SENP7: variants seen among roughly 807,000 people sequenced by gnomAD.
SENP7 encodes the protein SUMO specific peptidase 7.
Under a neutral mutation model 141.2 loss-of-function variants are expected in SENP7, and 64 were observed. The observed-to-expected ratio is 0.45, with a 90% CI of 0.37 to 0.56. The LOEUF (loss-of-function observed/expected upper bound fraction) is 0.56, where lower values mean the gene tolerates loss of function less well. Among genes scored for constraint, SENP7 ranks in the 20% least tolerant of loss-of-function variants. SENP7 has a pLI of 0.00. For synonymous variants in SENP7, 382 were observed against 426.4 expected (o/e 0.90, Z 1.28); for missense variants, 1,025 against 1,212.2 (o/e 0.85, Z 2.29).
intron 6 of SENP7, among the ~76,000 whole-genome samples, chr3:101,397,310 T>G (rs573524810): frequency 6.6e-6 from 1 of 152,174 alleles, no homozygotes; most frequent in African/African-American, 2.4e-5. Context: ...TTTTTTCATT[T>G]TTAGCAGAAA....
intron 1 of SENP7, among the ~76,000 whole-genome samples, chr3:101,512,028 G>A (rs2065881173): frequency 6.6e-6 from 1 of 152,098 alleles, no homozygotes; most frequent in Admixed American, 6.6e-5. Flanking sequence ...CACAATGTTA[G>A]CCAGGATGGT....
chr3:101,462,489 C>T (rs566121186), intron 3 of SENP7, among the ~76,000 whole-genome samples: 3 of 150,184 alleles, frequency 2.0e-5, no homozygotes, highest in Admixed American at 1.3e-4. Context: ...TGGGGTGAGC[C>T]GAGATCGCGC....
intron 13 of SENP7, among the ~76,000 whole-genome samples, chr3:101,346,899 T>C (rs913578677): frequency 1.5e-5 from 2 of 136,946 alleles, no homozygotes; most frequent in African/African-American, 5.5e-5. Context: ...CAAAAACCCA[T>C]GGAAATAAAA....
At chr3:101,330,213 C>A in intron 20 of SENP7, 121 bp downstream of exon 20, 1 of 594,184 alleles carries the variant, frequency 1.7e-6, no homozygotes, top group Admixed American at 3.3e-5. Flanking sequence ...GTCAAAGAAT[C>A]ACAAAGCAGC....
intron 3 of SENP7, among the ~76,000 whole-genome samples, chr3:101,479,890 T>A (rs1576478928): frequency 4.1e-3 from 15 of 3,682 alleles, no homozygotes; most frequent in African/African-American, 5.9e-3. Context: ...TTACAACAGC[T>A]ACAAAAAAAA....
intron 6 of SENP7, among the ~76,000 whole-genome samples, chr3:101,396,897 G>A (rs1278779180): frequency 3.3e-5 from 5 of 152,204 alleles, no homozygotes; most frequent in Non-Finnish European, 2.9e-5. Flanking sequence ...AGGCTGGAGT[G>A]CAATGGTGCG....
At chr3:101,463,853 T>G (rs1233042070) in intron 3 of SENP7, among the ~76,000 whole-genome samples, 1 of 152,096 alleles carries the variant, frequency 6.6e-6, no homozygotes, top group East Asian at 1.9e-4. Context: ...AGATGGAGTT[T>G]TACTCTTGTT....
intron 12 of SENP7, among the ~76,000 whole-genome samples, chr3:101,349,569 G>A (rs1029799712): frequency 3.3e-5 from 5 of 152,004 alleles, no homozygotes; most frequent in African/African-American, 1.2e-4. Context: ...AGCATTAGGA[G>A]ATATACCTAA....
At chr3:101,507,143 G>A (rs1432568515) in intron 1 of SENP7, among the ~76,000 whole-genome samples, 14 of 151,804 alleles carry the variant, frequency 9.2e-5, no homozygotes, top group South Asian at 2.1e-4. Flanking sequence ...CACAACCCAA[G>A]GGTGATTTAC....
intron 3 of SENP7, among the ~76,000 whole-genome samples, chr3:101,481,000 A>G (rs2064450005): frequency 6.6e-6 from 1 of 152,010 alleles, no homozygotes; most frequent in Non-Finnish European, 1.5e-5. Context: ...GATGCAGGAA[A>G]AAAGGAACTC....
chr3:101,385,251 T>A (rs2060620773), intron 6 of SENP7, among the ~76,000 whole-genome samples: 1 of 152,054 alleles, frequency 6.6e-6, no homozygotes, highest in Admixed American at 6.5e-5. Flanking sequence ...CATGAGGAAT[T>A]ACACATAAGT....
chr3:101,340,905 G>A (rs762698409), intron 15 of SENP7, among the ~76,000 whole-genome samples: 4 of 152,250 alleles, frequency 2.6e-5, no homozygotes, highest in East Asian at 1.9e-4. Context: ...CTATAATCTT[G>A]GAATAGGTAG....
chr3:101,417,932 T>TTTCTTTTGCTGTGCAGAAGCTCTTTA, intron 4 of SENP7, 142 bp from the exon 5 acceptor site: 1 of 625,232 alleles, frequency 1.6e-6, no homozygotes, highest in East Asian at 2.8e-5. Context: ...AAAGAAAAAA[T>TTTCTTTTGCTGTGCAGAAGCTCTTTA]GCCTAACTAT....
Position 101,398,770 on chromosome 3 carries a change from C to T in SENP7, c.677+91G>A, listed in dbSNP as rs571439324. 126 of 987,430 alleles carry T rather than the reference C, an allele frequency of 1.3e-4. No individual in the cohort carries two copies. The East Asian group carries it at 3.4e-3, about 26-fold the overall frequency. 61.2% of individuals were successfully genotyped at this position (987,430 alleles called of 1,614,324 possible). A position where few individuals can be genotyped will look rare whatever the true frequency, so the allele number is the denominator to read the frequency against. On this transcript the variant is annotated intron_variant, in intron 6 of 23. Coordinates refer to ENST00000394095, the MANE Select transcript of SENP7 (RefSeq NM_020654.5). ...CAGCTATCAGAGCACATTTACCTCACATTTAGCAATAATGTATCTGTGAAA... is the reference window on the plus strand; with the variant it reads ...CAGCTATCAGAGCACATTTACCTCATATTTAGCAATAATGTATCTGTGAAA...
chr3:101,450,666 G>A (rs1048248077), intron 4 of SENP7, among the ~76,000 whole-genome samples: 16 of 152,224 alleles, frequency 1.1e-4, no homozygotes, highest in Admixed American at 3.9e-4. Context: ...TGAAACCAAC[G>A]AGGACAAAGA....
At chr3:101,387,398 A>T (rs1483976178) in intron 6 of SENP7, among the ~76,000 whole-genome samples, 1 of 152,112 alleles carries the variant, frequency 6.6e-6, no homozygotes, top group African/African-American at 2.4e-5. Flanking sequence ...GCTGGCACCC[A>T]AGTGCACTGT....
intron 4 of SENP7, among the ~76,000 whole-genome samples, chr3:101,443,176 A>C (rs2062748389): frequency 6.6e-6 from 1 of 152,184 alleles, no homozygotes; most frequent in African/African-American, 2.4e-5. Context: ...ATGGCTAGCC[A>C]GTTTTCCCAG....
chr3:101,348,685 G>A (rs141123875), intron 12 of SENP7, among the ~76,000 whole-genome samples: 1 of 151,868 alleles, frequency 6.6e-6, no homozygotes, highest in East Asian at 1.9e-4. Context: ...AATTCCTCCA[G>A]GTTTTATTTC....
At chr3:101,458,412 A>G (rs1051629730) in intron 4 of SENP7, 1 of 152,266 alleles carries the variant, frequency 6.6e-6, no homozygotes, top group Admixed American at 6.5e-5. Context: ...CAATTCTGAA[A>G]TGCTCTAAAT....
Sources: allele counts gnomAD v4.1 joint callset (sites outside exome capture counted in the v4.1 genomes callset), GRCh38; gene constraint gnomAD v4.1.1; transcripts MANE v1.5; gene names NCBI Gene and HGNC (gene_info 2026-07-23, HGNC 2026-07-21).